Variants in RAB5B observed in about 807,000 individuals in gnomAD.
RAB5B encodes RAB5B, member RAS oncogene family.
A neutral mutation model predicts 28.6 loss-of-function variants in RAB5B; 11 were observed. The observed-to-expected ratio is 0.38, with a 90% CI of 0.24 to 0.64. The LOEUF is 0.64. RAB5B is among the 30% of genes least tolerant of loss of function. The pLI, the probability that RAB5B is intolerant of heterozygous loss-of-function variation, is 0.53. For synonymous variants in RAB5B, 93 were observed against 97.9 expected (o/e 0.95, Z 0.29); for missense variants, 169 against 265.6 (o/e 0.64, Z 2.53).
intron 1 of RAB5B, among the ~76,000 whole-genome samples, chr12:55,982,528 A>C (rs547093580): frequency 6.6e-6 from 1 of 151,900 alleles, no homozygotes; most frequent in South Asian, 2.1e-4. Context: ...TCCTGGGCTC[A>C]AGTGATCCTC....
upstream of RAB5B, chr12:55,973,971 G>A (rs1458582200): frequency 2.6e-5 from 4 of 152,336 alleles, no homozygotes. Flanking sequence ...AGGATTGGTG[G>A]ATGAGTGCAC....
chr12:55,981,728 T>A (rs961725462), intron 1 of RAB5B, among the ~76,000 whole-genome samples: 1 of 151,948 alleles, frequency 6.6e-6, no homozygotes, highest in African/African-American at 2.4e-5. Context: ...CTGCATCTAG[T>A]GGGCTAACCC....
chr12:55,990,622 A>C (rs562507941), intron 3 of RAB5B, 60 bp from the exon 4 acceptor site: 1 of 1,593,548 alleles, frequency 6.3e-7, no homozygotes, highest in African/African-American at 1.3e-5. Flanking sequence ...TCATTTTAAA[A>C]GGTGATGGAT....
chr12:55,992,495 C>T lies in RAB5B; in HGVS notation c.*283C>T, dbSNP rs1048127674. ...CTTTCTTCACTTTGTATTATAGGTA[C>T]AAGACAGCGACTTACGTATCTTTTC... is the stretch of plus-strand genomic sequence containing the variant. On this transcript the variant is annotated 3_prime_UTR_variant, in exon 6 of 6. Coordinates refer to ENST00000360299, the MANE Select transcript of RAB5B (RefSeq NM_002868.4). 1.0e-5 allele frequency: 6 copies of T among 589,640 alleles called. No homozygotes were observed. In the African/African-American group the frequency reaches 1.1e-4, roughly 11 times the overall value. The allele number at this position is 589,640 out of a possible 1,614,324, so 36.5% of individuals were successfully genotyped here.
chr12:55,990,297 A>G (rs1890073790), intron 3 of RAB5B, 199 bp downstream of exon 3: 1 of 540,832 alleles, frequency 1.8e-6, no homozygotes, highest in Admixed American at 3.4e-5. Context: ...AGTCCCAGCT[A>G]CTCGGGAGGC....
chr12:55,988,433 A>C (rs537499532), intron 2 of RAB5B, among the ~76,000 whole-genome samples: 2 of 152,364 alleles, frequency 1.3e-5, no homozygotes, highest in East Asian at 3.8e-4. Flanking sequence ...TACTACCCCA[A>C]AATAGGGTGC....
At position 55,996,582 on chromosome 12, in the gene RAB5B, A is replaced by G. The variant is rs1243170296; in HGVS notation, c.*4370A>G. 1 of 152,036 alleles carries G rather than the reference A, an allele frequency of 6.6e-6. No homozygotes were observed. The highest frequency in any genetic ancestry group is 1.5e-5 in the Non-Finnish European group (1 of 68,036). 9.4% of individuals were successfully genotyped at this position (152,036 alleles called of 1,614,324 possible). A position where few individuals can be genotyped will look rare whatever the true frequency, so the allele number is the denominator to read the frequency against. Reference sequence around the variant, plus strand: ...AACCTCGAACTCCTGGGCTTAAGCGATCCTCCCGCCTCAGCCTCCCGAGTA... The same window carrying G: ...AACCTCGAACTCCTGGGCTTAAGCGGTCCTCCCGCCTCAGCCTCCCGAGTA... On this transcript the variant is annotated 3_prime_UTR_variant, in exon 6 of 6. Coordinates refer to ENST00000360299, the MANE Select transcript of RAB5B (RefSeq NM_002868.4).
At chr12:55,986,045 G>A (rs1053737786) in intron 1 of RAB5B, among the ~76,000 whole-genome samples, 2 of 152,128 alleles carry the variant, frequency 1.3e-5, no homozygotes, top group African/African-American at 4.8e-5. Flanking sequence ...CAGGGAGACC[G>A]GTCATATATA....
chr12:55,986,690 C>T (rs1024490096), intron 1 of RAB5B, among the ~76,000 whole-genome samples, 179 bp from the exon 2 acceptor site: 1 of 152,166 alleles, frequency 6.6e-6, no homozygotes, highest in Non-Finnish European at 1.5e-5. Flanking sequence ...GGGCAGACTC[C>T]AGAAGCAGTT....
chr12:55,996,003 A>ATATATATATATTT lies in RAB5B; in HGVS notation c.*3792_*3793insATATATATATTTT. On this transcript the variant is annotated 3_prime_UTR_variant, in exon 6 of 6. Transcript: ENST00000360299. The stretch of plus-strand genomic sequence containing the variant: ...TATATACATATATATATATATATAT[A>ATATATATATATTT]TTTTTTTTTTAACAACTGGTAGGAT... The ATATATATATATTT allele has an allele frequency of 2.7e-4, 26 of 97,390 alleles. No individual in the cohort carries two copies. The highest frequency in any genetic ancestry group is 4.6e-4 in the Non-Finnish European group (23 of 50,470). 6.0% of individuals were successfully genotyped at this position (97,390 alleles called of 1,614,324 possible). A position where few individuals can be genotyped will look rare whatever the true frequency, so the allele number is the denominator to read the frequency against.
In RAB5B at chr12:55,994,812, T is replaced by C. The variant is rs1348549378; in HGVS notation, c.*2600T>C. 1 of 152,278 alleles carries C rather than the reference T, an allele frequency of 6.6e-6. No individual in the cohort carries two copies. Among genetic ancestry groups the C allele is most frequent in the Non-Finnish European group, 1.5e-5 (1 of 68,034 alleles). The allele number at this position is 152,278 out of a possible 1,614,324, so 9.4% of individuals were successfully genotyped here. A position where few individuals can be genotyped will look rare whatever the true frequency, so the allele number is the denominator to read the frequency against. On this transcript the variant is annotated 3_prime_UTR_variant, in exon 6 of 6. Coordinates refer to ENST00000360299, the MANE Select transcript of RAB5B (RefSeq NM_002868.4). ...GAAGAAAGGATACCCAGTAATGTTC[T>C]ACTGAATCAGAAACACACCTTTCCC...
chr12:55,985,814 C>T (rs2136482350), intron 1 of RAB5B: 2 of 443,606 alleles, frequency 4.5e-6, no homozygotes, highest in South Asian at 3.2e-5. Context: ...ACCAGCAAGA[C>T]AGCTGCAAGT....
At chr12:55,980,664 C>G in intron 1 of RAB5B, 1 of 1,594,068 alleles carries the variant, frequency 6.3e-7, no homozygotes, top group African/African-American at 1.3e-5. Context: ...GCCTCCATGT[C>G]ACATTTGTTC....
At chr12:55,981,059 G>C in intron 1 of RAB5B, 4 of 1,594,232 alleles carry the variant, frequency 2.5e-6, no homozygotes, top group Non-Finnish European at 1.7e-6. Context: ...AGCCGGGGAA[G>C]GGATGGGGCT....
Position 55,992,503 on chromosome 12 carries a change from C to T in RAB5B, c.*291C>T, listed in dbSNP as rs12307159. 4.4e-4 allele frequency: 250 copies of T among 566,224 alleles called. 1 individual carries two copies. The highest frequency in any genetic ancestry group is 3.2e-3 in the African/African-American group (175 of 53,990). 35.1% of individuals were successfully genotyped at this position (566,224 alleles called of 1,614,324 possible). A position where few individuals can be genotyped will look rare whatever the true frequency, so the allele number is the denominator to read the frequency against. On this transcript the variant is annotated 3_prime_UTR_variant, in exon 6 of 6. Transcript: ENST00000360299. ...ACTTTGTATTATAGGTACAAGACAG[C>T]GACTTACGTATCTTTTCTCCTCCTC...
intron 1 of RAB5B, among the ~76,000 whole-genome samples, chr12:55,981,532 A>G (rs77553376): frequency 6.6e-6 from 1 of 152,236 alleles, no homozygotes; most frequent in African/African-American, 2.4e-5. Context: ...CTCTGTTGAT[A>G]GGTGATAGAC....
At position 55,994,241 on chromosome 12, in the gene RAB5B, C is replaced by A. The variant is rs1343131361; in HGVS notation, c.*2029C>A. The A allele has an allele frequency of 6.6e-6, 1 of 152,614 alleles. No homozygotes were observed. Among genetic ancestry groups the A allele is most frequent in the East Asian group, 1.9e-4 (1 of 5,192 alleles). The allele number at this position is 152,614 out of a possible 1,614,324, so 9.5% of individuals were successfully genotyped here. On this transcript the variant is annotated 3_prime_UTR_variant, in exon 6 of 6. Transcript: ENST00000360299. ...GGCCCCCCATAGCACCCAGTGCATC[C>A]TTTTTACAAGTGGAAGAACTAGGAT...
chr12:55,989,801 G>A, intron 2 of RAB5B, 146 bp from the exon 3 acceptor site: 1 of 926,644 alleles, frequency 1.1e-6, no homozygotes, highest in Non-Finnish European at 1.7e-6. Flanking sequence ...TTACATGTAA[G>A]GAGAACTCAA....
chr12:55,980,465 T>C, intron 1 of RAB5B: 5 of 1,592,292 alleles, frequency 3.1e-6, no homozygotes, highest in Non-Finnish European at 4.3e-6. Context: ...GTCACAAGTT[T>C]TCAGGTCAGT....
Sources: allele counts gnomAD v4.1 joint callset (sites outside exome capture counted in the v4.1 genomes callset), GRCh38; gene constraint gnomAD v4.1.1; transcripts MANE v1.5; gene names NCBI Gene and HGNC (gene_info 2026-07-23, HGNC 2026-07-21).